Variants in CSMD1 observed in about 807,000 individuals in gnomAD.
The protein encoded by CSMD1 is CUB and sushi domain-containing protein 1.
CSMD1 carries 213 observed loss-of-function variants against 417.5 expected under a neutral mutation model. That is an observed-to-expected ratio of 0.51 (90% CI 0.46 to 0.57). CSMD1 has a LOEUF of 0.57. CSMD1 is among the 20% of genes least tolerant of loss of function. CSMD1 has a pLI of 0.00. For synonymous variants in CSMD1, 2,862 were observed against 1,736.8 expected (o/e 1.65, Z -16.11); for missense variants, 6,923 against 4,529.7 (o/e 1.53, Z -15.17).
At chr8:3,258,053 A>T (rs1585826545) in intron 26 of CSMD1, among the ~76,000 whole-genome samples, 1 of 152,214 alleles carries the variant, frequency 6.6e-6, no homozygotes, top group Admixed American at 6.5e-5. Flanking sequence ...GAGTAGACAG[A>T]CAGGGCCCCA....
At chr8:4,863,701 C>T (rs560304133) in intron 1 of CSMD1, among the ~76,000 whole-genome samples, 1 of 152,052 alleles carries the variant, frequency 6.6e-6, no homozygotes, top group East Asian at 1.9e-4. Context: ...TTTAATTAAT[C>T]AACAATAAAA....
intron 10 of CSMD1, among the ~76,000 whole-genome samples, chr8:3,553,804 T>C (rs1799022599): frequency 6.6e-6 from 1 of 152,202 alleles, no homozygotes; most frequent in Non-Finnish European, 1.5e-5. Context: ...GCAAATAATT[T>C]CACAGAATAT....
At chr8:3,365,377 G>A (rs1036535773) in intron 20 of CSMD1, among the ~76,000 whole-genome samples, 1 of 152,136 alleles carries the variant, frequency 6.6e-6, no homozygotes, top group African/African-American at 2.4e-5. Flanking sequence ...AAATCCCCAA[G>A]AAATATTTTC....
At chr8:4,521,095 T>A (rs1803420695) in intron 2 of CSMD1, among the ~76,000 whole-genome samples, 1 of 152,170 alleles carries the variant, frequency 6.6e-6, no homozygotes, top group Admixed American at 6.5e-5. Flanking sequence ...TAAAATGATT[T>A]TGCAATTTTC....
chr8:4,239,014 G>C lies in CSMD1; in HGVS notation c.415+180939C>G, dbSNP rs186034239. On this transcript the variant is annotated intron_variant, in intron 3 of 69. Transcript: ENST00000635120. ...TCCCATCACTATGGCTACAGGATTA[G>C]GTTCGAAAATCTGCTTTTGCTGAAA... Among the ~76,000 whole-genome samples, 9 of 152,238 alleles carry C rather than the reference G, an allele frequency of 5.9e-5. No individual in the cohort carries two copies. In the East Asian group the frequency reaches 1.4e-3, roughly 23 times the overall value.
Position 2,998,192 on chromosome 8 carries a change from G to C in CSMD1, c.8204-8C>G, listed in dbSNP as rs980636846. The C allele has an allele frequency of 1.9e-6, 3 of 1,613,388 alleles. No individual in the cohort carries two copies. The highest frequency in any genetic ancestry group is 2.7e-5 in the African/African-American group (2 of 74,928). On this transcript the variant is annotated splice_polypyrimidine_tract_variant and splice_region_variant and intron_variant, in intron 53 of 69. Coordinates refer to ENST00000635120, the MANE Select transcript of CSMD1 (RefSeq NM_033225.6). ...GGTGACCACATGTGATGGCTGTAGA[G>C]AGACAGGTCAACGTCATTGTTAAAT...
At chr8:2,961,328 G>C in intron 61 of CSMD1, 114 bp from the exon 62 acceptor site, 1 of 491,758 alleles carries the variant, frequency 2.0e-6, no homozygotes, top group Non-Finnish European at 3.6e-6. Flanking sequence ...TTTGAGAAAT[G>C]TGCAAGATGT....
At chr8:3,756,827 G>C (rs527507910) in intron 5 of CSMD1, among the ~76,000 whole-genome samples, 18 of 150,798 alleles carry the variant, frequency 1.2e-4, no homozygotes, top group Non-Finnish European at 2.1e-4. Context: ...ACAGTGTCTT[G>C]CTCTTTCACG....
At chr8:3,392,384 C>T (rs964918014) in intron 17 of CSMD1, among the ~76,000 whole-genome samples, 16 of 152,146 alleles carry the variant, frequency 1.1e-4, no homozygotes, top group Middle Eastern at 3.2e-3. Context: ...CTAGTGCCTG[C>T]ATCTTGGCTT....
At chr8:3,724,411 C>G (rs1024626104) in intron 6 of CSMD1, among the ~76,000 whole-genome samples, 7 of 152,008 alleles carry the variant, frequency 4.6e-5, no homozygotes, top group African/African-American at 1.7e-4. Context: ...AGTATTGTCA[C>G]TTTTAAATGA....
In CSMD1 at chr8:3,531,289, T is replaced by A. The variant is rs915193465; in HGVS notation, c.1345-37563A>T. On this transcript the variant is annotated intron_variant, in intron 10 of 69. Coordinates refer to ENST00000635120, the MANE Select transcript of CSMD1 (RefSeq NM_033225.6). ...ACCATGGATATTAATTATTATTATT[T>A]GTTGTTGTGTGAGTACTAGTAATCA... 7.2e-5 allele frequency among the ~76,000 whole-genome samples: 11 copies of A among 152,336 alleles called. No individual in the cohort carries two copies. In the Middle Eastern group the frequency reaches 0.014, roughly 188 times the overall value.
chr8:4,337,726 T>C (rs56137653), intron 3 of CSMD1, among the ~76,000 whole-genome samples: 21,848 of 152,112 alleles, frequency 0.14, 2,454 homozygotes, highest in African/African-American at 0.31. Flanking sequence ...GTATTTGCCA[T>C]TGACATAGAA....
intron 1 of CSMD1, among the ~76,000 whole-genome samples, chr8:4,700,853 G>C (rs1410772438): frequency 6.6e-6 from 1 of 152,146 alleles, no homozygotes; most frequent in African/African-American, 2.4e-5. Flanking sequence ...AGGAAGAAAG[G>C]ATGAAGAACA....
intron 2 of CSMD1, among the ~76,000 whole-genome samples, chr8:4,554,328 G>C (rs765247058): frequency 6.6e-6 from 1 of 152,010 alleles, no homozygotes; most frequent in South Asian, 2.1e-4. Flanking sequence ...GTAGAGACAG[G>C]GTTTCACCAT....
At chr8:4,243,237 G>T (rs144317276) in intron 3 of CSMD1, among the ~76,000 whole-genome samples, 2 of 152,086 alleles carry the variant, frequency 1.3e-5, no homozygotes, top group Non-Finnish European at 2.9e-5. Context: ...TCAGGAAAGG[G>T]GAGATCACCA....
At chr8:2,987,444 T>A (rs1260875844) in intron 54 of CSMD1, among the ~76,000 whole-genome samples, 1 of 148,584 alleles carries the variant, frequency 6.7e-6, no homozygotes, top group African/African-American at 2.4e-5. Flanking sequence ...ATAAGAAATA[T>A]ATAAAGAAGT....
chr8:4,803,403 C>T (rs1009481235), intron 1 of CSMD1, among the ~76,000 whole-genome samples: 1 of 152,140 alleles, frequency 6.6e-6, no homozygotes, highest in Non-Finnish European at 1.5e-5. Context: ...TTATTAGATA[C>T]CCAGTCTAGA....
At chr8:4,561,718 A>C (rs1798340828) in intron 2 of CSMD1, among the ~76,000 whole-genome samples, 1 of 152,188 alleles carries the variant, frequency 6.6e-6, no homozygotes. Context: ...AAAAGAAAGT[A>C]AAAGAAAAAG....
chr8:3,198,053 C>T (rs751544635), intron 33 of CSMD1, among the ~76,000 whole-genome samples: 1 of 152,128 alleles, frequency 6.6e-6, no homozygotes, highest in Non-Finnish European at 1.5e-5. Flanking sequence ...TAAATTTCCT[C>T]TATAAATGAT....
Sources: allele counts gnomAD v4.1 joint callset (sites outside exome capture counted in the v4.1 genomes callset), GRCh38; gene constraint gnomAD v4.1.1; transcripts MANE v1.5; gene names NCBI Gene and HGNC (gene_info 2026-07-23, HGNC 2026-07-21).